The following PAX8 variants were observed in gnomAD, a reference collection of about 807,000 sequenced individuals.
PAX8 encodes paired box 8, also known as paired box protein Pax-8.
PAX8 carries 15 observed loss-of-function variants against 52.4 expected under a neutral mutation model. The ratio of observed to expected loss-of-function variants is 0.29; its 90% confidence interval spans 0.19 to 0.44. The LOEUF (loss-of-function observed/expected upper bound fraction) is 0.44. Ranked by LOEUF, PAX8 falls within the 20% of genes least tolerant of loss-of-function variation. The probability of loss-of-function intolerance (pLI) is 1.00; values close to 1 mark genes in which losing one functional copy is unlikely to be tolerated. For missense variants in PAX8, 554 were observed against 602.5 expected, an observed-to-expected ratio of 0.92 and a Z score of 0.84; for synonymous variants, 284 against 249.7, an observed-to-expected ratio of 1.14 and a Z score of -1.29.
At chr2:113,269,141 T>C (rs1055898493) in intron 2 of PAX8, 1 of 152,264 alleles carries the variant, frequency 6.6e-6, no homozygotes, top group Non-Finnish European at 1.5e-5. Flanking sequence ...AGCCTAGGCA[T>C]TGGAAGTGTC....
At chr2:113,227,293 T>C (rs750209538) in intron 9 of PAX8, 37 bp from the exon 10 acceptor site, 4 of 1,506,390 alleles carry the variant, frequency 2.7e-6, no homozygotes, top group Non-Finnish European at 2.7e-6. Context: ...AGTTGGACCA[T>C]GGGGGCTCCC....
intron 8 of PAX8, 52 bp from the exon 9 acceptor site, chr2:113,235,634 G>C: frequency 1.4e-6 from 2 of 1,465,078 alleles, no homozygotes; most frequent in East Asian, 4.6e-5. Flanking sequence ...ATGGCGGGGA[G>C]GGAACACGCA....
chr2:113,236,811 CCCTCATCTCCCCAGGAGAGGT>C (rs1157084017), intron 7 of PAX8, 90 bp from the exon 8 acceptor site: 123 of 1,451,498 alleles, frequency 8.5e-5, no homozygotes, highest in Admixed American at 1.2e-4. Context: ...GACTTGGCAG[CCCTCATCTCCCCAGGAGAGGT>C]CCTCATCGCC....
intron 9 of PAX8, among the ~76,000 whole-genome samples, chr2:113,231,215 A>G (rs897357106): frequency 1.3e-5 from 2 of 152,202 alleles, no homozygotes; most frequent in African/African-American, 4.8e-5. Flanking sequence ...ATTTTGTACA[A>G]AAGGATGGAG....
Position 113,226,440 on chromosome 2 carries a change from C to A in PAX8, c.1189+715G>T, listed in dbSNP as rs146904628. On this transcript the variant is annotated intron_variant, in intron 10 of 11. Transcript: ENST00000429538. The stretch of plus-strand genomic sequence containing the variant: ...TGCCCAAGGAAACTCCCATTATCTT[C>A]ATTTGTCCAGACCTTGTCATCTTGA... 1.6e-4 allele frequency: 162 copies of A among 986,446 alleles called. No individual in the cohort carries two copies. In the African/African-American group the frequency reaches 2.4e-3, roughly 15 times the overall value. The allele number at this position is 986,446 out of a possible 1,614,324, so 61.1% of individuals were successfully genotyped here.
intron 2 of PAX8, among the ~76,000 whole-genome samples, chr2:113,254,601 A>G (rs1365672319): frequency 2.6e-5 from 4 of 152,178 alleles, no homozygotes; most frequent in Admixed American, 2.6e-4. Context: ...CCCATATTTA[A>G]GAATCCTTGC....
At chr2:113,265,201 C>A (rs1057471624) in intron 2 of PAX8, among the ~76,000 whole-genome samples, 1 of 152,140 alleles carries the variant, frequency 6.6e-6, no homozygotes, top group Non-Finnish European at 1.5e-5. Flanking sequence ...CACCGCAAAA[C>A]CTGAAGACAA....
intron 11 of PAX8, among the ~76,000 whole-genome samples, chr2:113,219,250 T>G (rs1334839101): frequency 6.6e-6 from 1 of 152,078 alleles, no homozygotes; most frequent in African/African-American, 2.4e-5. Context: ...TACAAAGAGG[T>G]AATGGGAGGA....
At position 113,220,103 on chromosome 2, in the gene PAX8, G is replaced by A; in HGVS notation, c.1265C>T (p.Ser422Phe). Residue 422 changes from serine (S) to phenylalanine (F), a missense_variant, in exon 11 of 12, where the codon TCC becomes TTC. By Grantham distance (155) the Ser-to-Phe change is radical. Around this residue, in one of 2 missense-constraint regions of PAX8, gnomAD observed 445 missense variants for 409.9 expected, o/e 1.09. Transcript: ENST00000429538. ...CCCCAGGGACTTACTCAGCAAGCTGGAGTTGGGGAAGCGCCAGGCCTCGCT... is the reference window on the plus strand; with the variant it reads ...CCCCAGGGACTTACTCAGCAAGCTGAAGTTGGGGAAGCGCCAGGCCTCGCT... ...SYSEAWRFPN[S>F]SLLSSPYYYS... 1 of 1,613,572 alleles carries A rather than the reference G, an allele frequency of 6.2e-7. No homozygotes were observed. The highest frequency in any genetic ancestry group is 8.5e-7 in the Non-Finnish European group (1 of 1,179,730).
intron 4 of PAX8, among the ~76,000 whole-genome samples, chr2:113,243,651 C>T (rs2104494758): frequency 6.6e-6 from 1 of 152,352 alleles, no homozygotes; most frequent in Non-Finnish European, 1.5e-5. Flanking sequence ...CTTGGCCTCC[C>T]AAAGTGCTGG....
chr2:113,273,563 A>T (rs770665387), intron 2 of PAX8: 1 of 152,250 alleles, frequency 6.6e-6, no homozygotes, highest in African/African-American at 2.4e-5. Flanking sequence ...ATAGAATGTG[A>T]TAACGACATA....
chr2:113,237,031 C>T (rs1690420583), intron 7 of PAX8: 2 of 417,766 alleles, frequency 4.8e-6, no homozygotes, highest in African/African-American at 2.0e-5. Flanking sequence ...ACTGTTGGGA[C>T]CCACAGAATG....
At position 113,220,108 on chromosome 2, in the gene PAX8, G is replaced by C; in HGVS notation, c.1260C>G (p.Pro420=). Residue 420 remains proline, a synonymous_variant, in exon 11 of 12, where the codon CCC becomes CCG. Coordinates refer to ENST00000429538, the MANE Select transcript of PAX8 (RefSeq NM_003466.4). ...GGGACTTACTCAGCAAGCTGGAGTT[G>C]GGGAAGCGCCAGGCCTCGCTGTAGG... ...YSSYSEAWRF[P]NSSLLSSPYY... The C allele has an allele frequency of 6.2e-7, 1 of 1,613,582 alleles. No homozygotes were observed. The highest frequency in any genetic ancestry group is 1.1e-5 in the South Asian group (1 of 91,038).
At chr2:113,220,000 T>C in intron 11 of PAX8, 92 bp downstream of exon 11, 1 of 853,506 alleles carries the variant, frequency 1.2e-6, no homozygotes, top group East Asian at 2.7e-5. Flanking sequence ...ATCTGAGGAC[T>C]CCCAGCTTTC....
At chr2:113,278,345 GA>G in intron 2 of PAX8, 24 bp downstream of exon 2, 2 of 1,544,306 alleles carry the variant, frequency 1.3e-6, no homozygotes, top group Non-Finnish European at 1.8e-6. Context: ...GGGGCTCGGG[GA>G]TCCTGACCAC....
intron 9 of PAX8, among the ~76,000 whole-genome samples, chr2:113,227,774 C>G (rs548229891): frequency 6.6e-6 from 1 of 152,138 alleles, no homozygotes; most frequent in Non-Finnish European, 1.5e-5. Flanking sequence ...TTTTGGGGGG[C>G]CTGTGACAGA....
At chr2:113,235,621 G>A in intron 8 of PAX8, 39 bp from the exon 9 acceptor site, 1 of 1,536,600 alleles carries the variant, frequency 6.5e-7, no homozygotes, top group Non-Finnish European at 8.9e-7. Context: ...AGAGGGGTGT[G>A]AGATGGCGGG....
chr2:113,226,141 C>T (rs1171344261), intron 10 of PAX8: 1 of 985,402 alleles, frequency 1.0e-6, no homozygotes, highest in Non-Finnish European at 1.2e-6. Flanking sequence ...GATCCCAGCC[C>T]ACCTGCCTCT....
intron 2 of PAX8, among the ~76,000 whole-genome samples, chr2:113,252,792 A>G (rs538540295): frequency 6.6e-6 from 1 of 152,298 alleles, no homozygotes; most frequent in South Asian, 2.1e-4. Flanking sequence ...TAAAAACATT[A>G]CTTACCTCTT....
Sources: allele counts gnomAD v4.1 joint callset (sites outside exome capture counted in the v4.1 genomes callset), GRCh38; gene constraint gnomAD v4.1.1; regional missense constraint gnomAD v4.1.1; transcripts MANE v1.5; gene names NCBI Gene and HGNC (gene_info 2026-07-23, HGNC 2026-07-21).